PPIF: variants seen among roughly 807,000 people sequenced by gnomAD.
PPIF encodes peptidylprolyl isomerase F.
A neutral mutation model predicts 20.2 loss-of-function variants in PPIF; 23 were observed. The ratio of observed to expected loss-of-function variants is 1.14; its 90% CI spans 0.82 to 1.61. The LOEUF (loss-of-function observed/expected upper bound fraction) is 1.61. Among genes scored for constraint, PPIF ranks in the 40% most tolerant of loss-of-function variants. The probability of loss-of-function intolerance (pLI) is 0.00; values close to 1 mark genes in which losing one functional copy is unlikely to be tolerated. For synonymous variants in PPIF, 113 were observed against 123.1 expected (o/e 0.92, Z 0.54); for missense variants, 287 against 291.6 (o/e 0.98, Z 0.11).
Position 79,351,583 on chromosome 10 carries a change from G to C in PPIF, c.412G>C (p.Gly138Arg), listed in dbSNP as rs779918969. 1.2e-6 allele frequency: 2 copies of C among 1,613,348 alleles called. No homozygotes were observed. Among genetic ancestry groups the C allele is most frequent in the East Asian group, 4.5e-5 (2 of 44,884 alleles). Residue 138 changes from glycine (G) to arginine (R), a missense_variant and splice_region_variant, in exon 4 of 6, where the codon GGT becomes CGT. Physicochemically the swap from Gly to Arg is moderately radical, Grantham distance 125. Coordinates refer to ENST00000225174, the MANE Select transcript of PPIF (RefSeq NM_005729.4). ...ENFTLKHVGP[G>R]VLSMANAGPN... ...CTTTACACTGAAGCACGTGGGGCCA[G>C]GTGAGTGGGGGCCTCCTCTAGGGTG...
At chr10:79,348,404 C>A (rs1175868543) in intron 1 of PPIF, among the ~76,000 whole-genome samples, 2 of 152,156 alleles carry the variant, frequency 1.3e-5, no homozygotes, top group African/African-American at 2.4e-5. Context: ...GTTTTTGGGT[C>A]TTTTCTAAAG....
At chr10:79,348,119 C>T (rs1855925095) in intron 1 of PPIF, among the ~76,000 whole-genome samples, 1 of 151,460 alleles carries the variant, frequency 6.6e-6, no homozygotes, top group African/African-American at 2.4e-5. Flanking sequence ...GCGTCGTGGC[C>T]CAGCGGGTGC....
In PPIF at chr10:79,351,827, T is replaced by A. The variant is rs79502125; in HGVS notation, c.412+244T>A. 3.0e-3 allele frequency: 1,386 copies of A among 466,032 alleles called. 5 individuals are homozygous for A. Among genetic ancestry groups the A allele is most frequent in the Admixed American group, 6.3e-3 (162 of 25,602 alleles). 28.9% of individuals were successfully genotyped at this position (466,032 alleles called of 1,614,324 possible). A position where few individuals can be genotyped will look rare whatever the true frequency, so the allele number is the denominator to read the frequency against. ...TTTGTGGAAGAACCTTTAAGCAGAA[T>A]GGAGGCCCTGGCCACCTCCCTGTTT... is the stretch of plus-strand genomic sequence containing the variant. On this transcript the variant is annotated intron_variant, in intron 4 of 5. Coordinates refer to ENST00000225174, the MANE Select transcript of PPIF (RefSeq NM_005729.4).
chr10:79,349,256 G>C, intron 2 of PPIF, 150 bp downstream of exon 2: 1 of 1,560,754 alleles, frequency 6.4e-7, no homozygotes, highest in Non-Finnish European at 8.7e-7. Context: ...GTGCTCTGGG[G>C]CAGCCCTGCC....
Position 79,351,499 on chromosome 10 carries a change from A to G in PPIF, c.328A>G (p.Thr110Ala), listed in dbSNP as rs767547665. The change falls in exon 4 of 6, where the codon ACC becomes GCC. Residue 110 changes from threonine to alanine, a missense_variant. By Grantham distance (58) the Thr-to-Ala change is moderately conservative (BLOSUM62 0). Transcript: ENST00000225174. ...TTTGTGCTCACAGGCGGGCGACTTC[A>G]CCAACCACAATGGCACAGGCGGGAA... ...PSFMCQAGDF[T>A]NHNGTGGKSI... is the part of the protein sequence containing the mutation. 62 of 1,613,800 alleles carry G rather than the reference A, an allele frequency of 3.8e-5. No individual in the cohort carries two copies. Among genetic ancestry groups the G allele is most frequent in the Non-Finnish European group, 5.2e-5 (61 of 1,179,988 alleles).
At chr10:79,352,168 T>C in intron 4 of PPIF, 149 bp from the exon 5 acceptor site, 1 of 666,784 alleles carries the variant, frequency 1.5e-6, no homozygotes, top group Non-Finnish European at 2.6e-6. Flanking sequence ...CCTGGGGGGC[T>C]GGTATCGGGC....
chr10:79,351,609 A>G, intron 4 of PPIF, 26 bp downstream of exon 4: 2 of 1,601,124 alleles, frequency 1.2e-6, no homozygotes, highest in Non-Finnish European at 1.7e-6. Context: ...CTCTAGGGTG[A>G]GTGTCCCCAC....
chr10:79,352,945 A>G (rs1856001426), intron 5 of PPIF, among the ~76,000 whole-genome samples: 1 of 152,194 alleles, frequency 6.6e-6, no homozygotes, highest in Non-Finnish European at 1.5e-5. Flanking sequence ...TTCCTGGTAC[A>G]TTTTCCTCTA....
In PPIF at chr10:79,347,625, C is replaced by T; in HGVS notation, c.77C>T (p.Ala26Val). 1 of 1,445,874 alleles carries T rather than the reference C, an allele frequency of 6.9e-7. No individual in the cohort carries two copies. Among genetic ancestry groups the T allele is most frequent in the Middle Eastern group, 2.2e-4 (1 of 4,620 alleles). The allele number at this position is 1,445,874 out of a possible 1,614,324, so 89.6% of individuals were successfully genotyped here. The change falls in exon 1 of 6, where the codon GCG (alanine) becomes GTG (valine). Residue 26 changes from alanine to valine, a missense_variant. Coordinates refer to ENST00000225174, the MANE Select transcript of PPIF (RefSeq NM_005729.4). ...CGCTCCGTGCCGCTGCGCCTCCCCG[C>T]GGCCCGCGCCTGCAGCAAGGGCTCC... ...VPRSVPLRLP[A>V]ARACSKGSGD...
chr10:79,349,159 G>T (rs377379537), intron 2 of PPIF, 53 bp downstream of exon 2: 29 of 1,613,364 alleles, frequency 1.8e-5, no homozygotes, highest in South Asian at 3.3e-5. Context: ...AGGGGGCCAG[G>T]CAGGGCAAGG....
chr10:79,350,727 C>A (rs1251150903), intron 3 of PPIF, among the ~76,000 whole-genome samples: 1 of 152,212 alleles, frequency 6.6e-6, no homozygotes, highest in Non-Finnish European at 1.5e-5. Flanking sequence ...AGACCAGAGT[C>A]CTGAGTCATC....
At chr10:79,349,785 T>C (rs763939468) in intron 3 of PPIF, 32 bp downstream of exon 3, 1 of 1,613,374 alleles carries the variant, frequency 6.2e-7, no homozygotes, top group South Asian at 1.1e-5. Context: ...TAAGGGGGGA[T>C]GAGAGCAGGA....
At chr10:79,351,123 T>TG (rs1855976568) in intron 3 of PPIF, among the ~76,000 whole-genome samples, 1 of 152,118 alleles carries the variant, frequency 6.6e-6, no homozygotes, top group Non-Finnish European at 1.5e-5. Context: ...ACTCGGGAAC[T>TG]GGGGGGCCTC....
chr10:79,353,438 T>C (rs1856007197), intron 5 of PPIF, among the ~76,000 whole-genome samples: 2 of 152,214 alleles, frequency 1.3e-5, no homozygotes, highest in South Asian at 4.1e-4. Flanking sequence ...TACTCCACTT[T>C]TGATAGATGG....
chr10:79,352,511 C>T, intron 5 of PPIF, 119 bp downstream of exon 5: 1 of 968,224 alleles, frequency 1.0e-6, no homozygotes. Context: ...GACAGTGGCC[C>T]TCTCCCAGGC....
At position 79,351,579 on chromosome 10, in the gene PPIF, G is replaced by A; in HGVS notation, c.408G>A (p.Gly136=). 6.2e-7 allele frequency: 1 copy of A among 1,613,874 alleles called. No homozygotes were observed. The highest frequency in any genetic ancestry group is 1.1e-5 in the South Asian group (1 of 91,072). ...PDENFTLKHV[G]PGVLSMANAG... ...AGAACTTTACACTGAAGCACGTGGG[G>A]CCAGGTGAGTGGGGGCCTCCTCTAG... is the stretch of plus-strand genomic sequence containing the variant. The change falls in exon 4 of 6, where the codon GGG becomes GGA. Residue 136 remains glycine (G), a synonymous_variant. Transcript: ENST00000225174.
In PPIF at chr10:79,353,736, A is replaced by T. The variant is rs1384129256; in HGVS notation, c.518A>T (p.His173Leu). 6.2e-7 allele frequency: 1 copy of T among 1,614,264 alleles called. No homozygotes were observed. The highest frequency in any genetic ancestry group is 1.1e-5 in the South Asian group (1 of 91,090). ...GATGGCAAGCATGTTGTGTTCGGTC[A>T]CGTCAAAGAGGGCATGGACGTCGTG... The part of the protein sequence containing the change: ...WLDGKHVVFG[H>L]VKEGMDVVKK... Residue 173 changes from histidine (H) to leucine (L), a missense_variant, in exon 6 of 6, where the codon CAC (histidine) becomes CTC (leucine). Transcript: ENST00000225174.
At chr10:79,349,325 T>C (rs1855946434) in intron 2 of PPIF, among the ~76,000 whole-genome samples, 1 of 152,208 alleles carries the variant, frequency 6.6e-6, no homozygotes. Flanking sequence ...GCTGGGAGCC[T>C]CAGAGCCAGT....
intron 1 of PPIF, 74 bp downstream of exon 1, chr10:79,347,817 G>A: frequency 1.6e-6 from 2 of 1,241,014 alleles, no homozygotes; most frequent in South Asian, 3.6e-5. Context: ...GGGCGGCGCG[G>A]TGCCGGGCGC....
Sources: gnomAD v4.1 joint callset for allele counts (sites outside exome capture counted in the v4.1 genomes callset) on GRCh38, gnomAD v4.1.1 for gene constraint, MANE v1.5 for transcripts, NCBI Gene and HGNC (gene_info 2026-07-23, HGNC 2026-07-21) for gene names.